The following PPP1R13B variants were observed in gnomAD, a reference collection of about 807,000 sequenced individuals.
The protein encoded by PPP1R13B is protein phosphatase 1 regulatory subunit 13B.
A neutral mutation model predicts 119.8 loss-of-function variants in PPP1R13B; 44 were observed. The ratio of observed to expected loss-of-function variants is 0.37; its 90% CI spans 0.29 to 0.47. The LOEUF is 0.47. Among genes scored for constraint, PPP1R13B ranks in the 20% least tolerant of loss-of-function variants. The pLI is 0.99. For synonymous variants in PPP1R13B, 542 were observed against 561.5 expected (o/e 0.97, Z 0.49); for missense variants, 1,227 against 1,413.5 (o/e 0.87, Z 2.12).
chr14:103,824,310 C>T (rs2086485397), intron 1 of PPP1R13B, among the ~76,000 whole-genome samples: 1 of 150,180 alleles, frequency 6.7e-6, no homozygotes, highest in African/African-American at 2.4e-5. Context: ...TCCCAAAGTG[C>T]TGGGATTACA....
At chr14:103,835,156 G>C (rs1174469894) in intron 1 of PPP1R13B, among the ~76,000 whole-genome samples, 1 of 151,890 alleles carries the variant, frequency 6.6e-6, no homozygotes, top group Non-Finnish European at 1.5e-5. Context: ...TGTACAGCCT[G>C]TACTCTGCCA....
At chr14:103,758,553 A>T (rs2084730698) in intron 4 of PPP1R13B, among the ~76,000 whole-genome samples, 1 of 152,242 alleles carries the variant, frequency 6.6e-6, no homozygotes, top group African/African-American at 2.4e-5. Flanking sequence ...ACTGTGACAG[A>T]CATGCTATGA....
intron 1 of PPP1R13B, among the ~76,000 whole-genome samples, chr14:103,832,663 G>C (rs1024963905): frequency 6.6e-6 from 1 of 152,100 alleles, no homozygotes; most frequent in Non-Finnish European, 1.5e-5. Flanking sequence ...TTACATCTCA[G>C]CTTAAGATCC....
chr14:103,753,050 A>C lies in PPP1R13B; in HGVS notation c.778T>G (p.Leu260Val). The C allele has an allele frequency of 2.5e-6, 4 of 1,614,144 alleles. No homozygotes were observed. Among genetic ancestry groups the C allele is most frequent in the Non-Finnish European group, 3.4e-6 (4 of 1,180,042 alleles). The part of the protein sequence containing the change: ...LNGFQSYNGK[L>V]TGPAAVELKR... ...AACTCCACCGCCGCTGGTCCCGTCAATTTGCCATTGTAAGACTGGAACCCA... is the reference window on the plus strand; with the variant it reads ...AACTCCACCGCCGCTGGTCCCGTCACTTTGCCATTGTAAGACTGGAACCCA... The change falls in exon 7 of 17, where the codon TTG becomes GTG. Residue 260 changes from leucine to valine, a missense_variant. Coordinates refer to ENST00000202556, the MANE Select transcript of PPP1R13B (RefSeq NM_015316.3).
intron 16 of PPP1R13B, among the ~76,000 whole-genome samples, chr14:103,735,502 T>C (rs932052074): frequency 6.6e-6 from 1 of 152,226 alleles, no homozygotes; most frequent in Non-Finnish European, 1.5e-5. Flanking sequence ...CCCTGCTGTG[T>C]TTGCCTGGCC....
intron 1 of PPP1R13B, among the ~76,000 whole-genome samples, chr14:103,813,587 C>T (rs2086209345): frequency 6.6e-6 from 1 of 152,190 alleles, no homozygotes; most frequent in Non-Finnish European, 1.5e-5. Flanking sequence ...GAAGAGGTGC[C>T]TTCCGCCATG....
intron 1 of PPP1R13B, among the ~76,000 whole-genome samples, chr14:103,837,884 C>T (rs1333100735): frequency 6.6e-5 from 10 of 152,066 alleles, no homozygotes; most frequent in Non-Finnish European, 1.5e-5. Context: ...TTTGGGAGGC[C>T]AAGGCAGACA....
At chr14:103,779,748 T>C (rs1270197141) in intron 3 of PPP1R13B, among the ~76,000 whole-genome samples, 1 of 152,080 alleles carries the variant, frequency 6.6e-6, no homozygotes, top group Non-Finnish European at 1.5e-5. Context: ...GATCGCACCA[T>C]TGCGCTCCAG....
chr14:103,776,716 C>G (rs1023312108), intron 4 of PPP1R13B, among the ~76,000 whole-genome samples: 2 of 151,984 alleles, frequency 1.3e-5, no homozygotes, highest in South Asian at 4.2e-4. Flanking sequence ...ATTAAAAATA[C>G]AAAAAATTAG....
At chr14:103,809,386 C>T (rs184240126) in intron 1 of PPP1R13B, among the ~76,000 whole-genome samples, 24 of 152,184 alleles carry the variant, frequency 1.6e-4, no homozygotes, top group East Asian at 9.7e-4. Context: ...AAAAGCATAA[C>T]GCATTTTGAG....
intron 5 of PPP1R13B, among the ~76,000 whole-genome samples, chr14:103,755,469 C>A (rs11625740): frequency 0.41 from 61,611 of 152,006 alleles, 12,635 homozygotes; most frequent in African/African-American, 0.43. Flanking sequence ...CTAAAAATAA[C>A]AATATATGCA....
At chr14:103,753,432 A>G (rs1431473744) in intron 6 of PPP1R13B, among the ~76,000 whole-genome samples, 1 of 152,216 alleles carries the variant, frequency 6.6e-6, no homozygotes, top group Non-Finnish European at 1.5e-5. Flanking sequence ...TAATCAGTCC[A>G]TAAGCTAGTT....
chr14:103,756,753 ATTTC>A lies in PPP1R13B; in HGVS notation c.456+893_456+896del, dbSNP rs369458925. ...ATAACAAAAGCACCCTTTCTTCCCG[ATTTC>A]TTTGTTTTTTTTTTCTTTTGAGATG... On this transcript the variant is annotated intron_variant, in intron 5 of 16. Coordinates refer to ENST00000202556, the MANE Select transcript of PPP1R13B (RefSeq NM_015316.3). Among the ~76,000 whole-genome samples the A allele has an allele frequency of 2.3e-3, 342 of 151,236 alleles. 1 individual carries two copies. The highest frequency in any genetic ancestry group is 7.9e-3 in the African/African-American group (323 of 41,006).
chr14:103,771,014 C>T (rs1022059458), intron 4 of PPP1R13B, among the ~76,000 whole-genome samples: 3 of 152,100 alleles, frequency 2.0e-5, no homozygotes, highest in Admixed American at 6.6e-5. Flanking sequence ...TGCCCACAAA[C>T]GTCCAGGATG....
chr14:103,828,342 C>T (rs909210133), intron 1 of PPP1R13B, among the ~76,000 whole-genome samples: 17 of 143,098 alleles, frequency 1.2e-4, no homozygotes, highest in African/African-American at 4.0e-4. Context: ...GCTCTCCAGC[C>T]TGGGCAACAA....
intron 1 of PPP1R13B, among the ~76,000 whole-genome samples, chr14:103,845,782 T>G (rs1005877377): frequency 6.6e-6 from 1 of 152,222 alleles, no homozygotes; most frequent in Admixed American, 6.5e-5. Flanking sequence ...TTCAAAATTC[T>G]GAAACACCAT....
chr14:103,761,626 G>A (rs942249764), intron 4 of PPP1R13B, among the ~76,000 whole-genome samples: 2 of 152,042 alleles, frequency 1.3e-5, no homozygotes, highest in Non-Finnish European at 2.9e-5. Context: ...AGCCGGGCAT[G>A]GTGGCAGGTG....
In PPP1R13B at chr14:103,742,242, T is replaced by C; in HGVS notation, c.1370A>G (p.Gln457Arg). 6.3e-7 allele frequency: 1 copy of C among 1,588,344 alleles called. No individual in the cohort carries two copies. The highest frequency in any genetic ancestry group is 8.5e-7 in the Non-Finnish European group (1 of 1,172,720). The change falls in exon 11 of 17, where the codon CAG becomes CGG. Residue 457 changes from glutamine (Q) to arginine (R), a missense_variant. Gln to Arg is a conservative substitution (Grantham distance 43). Coordinates refer to ENST00000202556, the MANE Select transcript of PPP1R13B (RefSeq NM_015316.3). The surrounding 1 kb of genome is among the most constrained non-coding windows in gnomAD (Gnocchi z 4.9). ...VPPPIPGVGK[Q>R]LPPSYGTYPS... ...GTATGTCCCATAGCTTGGAGGCAGC[T>C]GCTTGCCTACACCCGGGATGGGAGG... is the stretch of plus-strand genomic sequence containing the variant.
chr14:103,825,387 G>C (rs925379483), intron 1 of PPP1R13B, among the ~76,000 whole-genome samples: 2 of 152,216 alleles, frequency 1.3e-5, no homozygotes, highest in Admixed American at 1.3e-4. Context: ...TTAAGAGGAA[G>C]GAATGTCAAA....
Sources: gnomAD v4.1 joint callset for allele counts (sites outside exome capture counted in the v4.1 genomes callset) on GRCh38, gnomAD v4.1.1 for gene constraint, Gnocchi (gnomAD v3.1) non-coding constraint, MANE v1.5 for transcripts, NCBI Gene and HGNC (gene_info 2026-07-23, HGNC 2026-07-21) for gene names.